The following OCA2 variants were observed in gnomAD, a reference collection of about 807,000 sequenced individuals.
OCA2 encodes the protein OCA2 melanosomal transmembrane protein.
In OCA2, 77 loss-of-function variants were observed where a neutral mutation model predicts 100.2. That is an observed-to-expected ratio of 0.77 (90% CI 0.64 to 0.93). OCA2 has a LOEUF of 0.93. Ranked by LOEUF, OCA2 falls within the 40% of genes least tolerant of loss-of-function variation. OCA2 has a pLI of 0.00. For synonymous variants in OCA2, 432 were observed against 439.2 expected (o/e 0.98, Z 0.21); for missense variants, 1,062 against 1,089.1 (o/e 0.98, Z 0.35).
rs2040269085 is a variant in OCA2, at chr15:27,957,619, G to C, written c.1753C>G (p.Leu585Val). ...LLGKVLALEH[L>V]LARRLHTFHR... The stretch of plus-strand genomic sequence containing the variant: ...AAGGTGTGCAGCCTCCGGGCGAGCA[G>C]GTGCTCCAGTGCCAGCACCTTCCCC... The change falls in exon 16 of 24, where the codon CTG becomes GTG. Residue 585 changes from leucine (L) to valine (V), a missense_variant. Physicochemically the swap from Leu to Val is conservative, Grantham distance 32. Coordinates refer to ENST00000354638, the MANE Select transcript of OCA2 (RefSeq NM_000275.3). The surrounding 1 kb of genome is among the most constrained non-coding windows in gnomAD (Gnocchi z 4.3). 1.9e-6 allele frequency: 3 copies of C among 1,612,962 alleles called. No homozygotes were observed. Among genetic ancestry groups the C allele is most frequent in the Non-Finnish European group, 2.5e-6 (3 of 1,179,954 alleles).
the OCA2 span, among the ~76,000 whole-genome samples, chr15:27,721,154 T>C: frequency 6.6e-6 from 1 of 152,230 alleles, no homozygotes; most frequent in East Asian, 1.9e-4. Context: ...TTTATTTAGT[T>C]TTAAATTTCG....
At chr15:27,949,075 C>T (rs950939809) in intron 18 of OCA2, among the ~76,000 whole-genome samples, 4 of 151,226 alleles carry the variant, frequency 2.6e-5, no homozygotes, top group Non-Finnish European at 5.9e-5. Context: ...GTCAGTTTTG[C>T]TCTATGATAA....
At chr15:27,842,990 G>A (rs190932364) in intron 23 of OCA2, among the ~76,000 whole-genome samples, 18 of 152,300 alleles carry the variant, frequency 1.2e-4, no homozygotes, top group African/African-American at 4.3e-4. Context: ...AGATGCCCTG[G>A]TTATTATTCC....
chr15:27,954,593 TG>T (rs1197474808), intron 17 of OCA2, among the ~76,000 whole-genome samples: 3 of 152,046 alleles, frequency 2.0e-5, no homozygotes, highest in Non-Finnish European at 4.4e-5. Flanking sequence ...GTCACTGAGA[TG>T]CAAATGACTC....
At chr15:28,036,499 T>A (rs1363778454) in intron 2 of OCA2, among the ~76,000 whole-genome samples, 1 of 152,142 alleles carries the variant, frequency 6.6e-6, no homozygotes, top group Non-Finnish European at 1.5e-5. Context: ...CTGAGGCAGA[T>A]CCACCATTGT....
chr15:27,886,159 C>G (rs996989451), intron 19 of OCA2, among the ~76,000 whole-genome samples: 9 of 152,280 alleles, frequency 5.9e-5, no homozygotes, highest in African/African-American at 2.2e-4. Context: ...TGGGGTCCAG[C>G]CCCCTGAGGC....
At chr15:27,728,622 T>C in the OCA2 span, among the ~76,000 whole-genome samples, 3 of 152,294 alleles carry the variant, frequency 2.0e-5, no homozygotes, top group East Asian at 5.8e-4. Flanking sequence ...CACAGATCTT[T>C]CCAGGTAATC....
At chr15:27,765,773 T>G (rs963220103) in intron 23 of OCA2, among the ~76,000 whole-genome samples, 2 of 152,252 alleles carry the variant, frequency 1.3e-5, no homozygotes, top group Non-Finnish European at 2.9e-5. Context: ...ACCCTCGGTT[T>G]GGTCCGGGAA....
At chr15:27,966,876 CT>C in intron 14 of OCA2, 54 bp from the exon 15 acceptor site, 2 of 1,564,398 alleles carry the variant, frequency 1.3e-6, no homozygotes, top group Non-Finnish European at 1.7e-6. Context: ...TGGCTCACGC[CT>C]GTAATCCCAG....
At chr15:27,784,174 G>A (rs1391836319) in intron 23 of OCA2, among the ~76,000 whole-genome samples, 2 of 152,214 alleles carry the variant, frequency 1.3e-5, no homozygotes, top group African/African-American at 4.8e-5. Flanking sequence ...GAGGAAGGCT[G>A]TCTCTGAAAA....
Position 28,027,865 on chromosome 15 carries a change from G to T in OCA2, c.515+6C>A. On this transcript the variant is annotated splice_donor_region_variant and intron_variant, in intron 4 of 23. Coordinates refer to ENST00000354638, the MANE Select transcript of OCA2 (RefSeq NM_000275.3). ...CTGCCAGGGTGGGCACCCCAAGTCC[G>T]CCTACCTCAGCTTGGAAAGACGGAG... 1.2e-6 allele frequency: 2 copies of T among 1,612,128 alleles called. No homozygotes were observed. Among genetic ancestry groups the T allele is most frequent in the Non-Finnish European group, 1.7e-6 (2 of 1,179,998 alleles).
At chr15:28,096,892 A>T (rs1391795852) in intron 1 of OCA2, among the ~76,000 whole-genome samples, 2 of 151,756 alleles carry the variant, frequency 1.3e-5, no homozygotes, top group Non-Finnish European at 2.9e-5. Context: ...CTCGGGGAGA[A>T]ACGAGCAGCG....
chr15:28,070,675 A>C lies in OCA2; in HGVS notation c.227+10973T>G, dbSNP rs1305455507. 1.1e-4 allele frequency among the ~76,000 whole-genome samples: 16 copies of C among 149,572 alleles called. No homozygotes were observed. The South Asian group carries it at 3.3e-3, about 30-fold the overall frequency. ...GTCTGGGAGGTGTGCCCAACAGCTC[A>C]TTGAGAACGGGCCAGGATGACAATG... On this transcript the variant is annotated intron_variant, in intron 2 of 23. Coordinates refer to ENST00000354638, the MANE Select transcript of OCA2 (RefSeq NM_000275.3).
At chr15:27,772,109 A>T (rs2031913410) in intron 23 of OCA2, among the ~76,000 whole-genome samples, 1 of 152,246 alleles carries the variant, frequency 6.6e-6, no homozygotes, top group Non-Finnish European at 1.5e-5. Flanking sequence ...GGAAGGCATC[A>T]TAGCCAAGCC....
At chr15:27,719,240 C>CT in the OCA2 span, among the ~76,000 whole-genome samples, 6 of 152,154 alleles carry the variant, frequency 3.9e-5, no homozygotes, top group Admixed American at 3.9e-4. Context: ...TCTCCTAGGT[C>CT]TTCCTTCCTT....
intron 19 of OCA2, among the ~76,000 whole-genome samples, chr15:27,894,187 C>T (rs967850509): frequency 1.1e-4 from 17 of 152,140 alleles, no homozygotes; most frequent in African/African-American, 4.1e-4. Context: ...GGGCAGGTTC[C>T]CCAATACTGT....
At chr15:27,925,576 G>T (rs1013700194) in intron 19 of OCA2, among the ~76,000 whole-genome samples, 4 of 152,186 alleles carry the variant, frequency 2.6e-5, no homozygotes, top group Non-Finnish European at 5.9e-5. Context: ...GAAATGCAAA[G>T]AAGTGGTGCT....
At chr15:27,845,153 G>T in intron 22 of OCA2, 101 bp from the exon 23 acceptor site, 3 of 916,616 alleles carry the variant, frequency 3.3e-6, no homozygotes, top group South Asian at 1.4e-5. Context: ...GCTTTGATTT[G>T]ATTATTATTT....
chr15:28,087,259 C>T lies in OCA2; in HGVS notation c.-21-5364G>A, dbSNP rs75267193. On this transcript the variant is annotated intron_variant, in intron 1 of 23. Transcript: ENST00000354638. Reference sequence around the variant, plus strand: ...TGGTGGCCAGAAGAAAATGACATAACATTTTCCAAGTAATGAGAGGAAGGA... The same window carrying T: ...TGGTGGCCAGAAGAAAATGACATAATATTTTCCAAGTAATGAGAGGAAGGA... 1.3e-3 allele frequency among the ~76,000 whole-genome samples: 197 copies of T among 152,220 alleles called. 1 individual carries two copies. The East Asian group carries it at 0.026, about 20-fold the overall frequency.
Sources: gnomAD v4.1 joint callset for allele counts (sites outside exome capture counted in the v4.1 genomes callset) on GRCh38, gnomAD v4.1.1 for gene constraint, Gnocchi (gnomAD v3.1) non-coding constraint, MANE v1.5 for transcripts, NCBI Gene and HGNC (gene_info 2026-07-23, HGNC 2026-07-21) for gene names.